PDE3A: variants seen among roughly 807,000 people sequenced by gnomAD.
PDE3A encodes the protein cGMP-inhibited 3',5'-cyclic phosphodiesterase 3A.
PDE3A carries 43 observed loss-of-function variants against 98.3 expected under a neutral mutation model. That is an observed-to-expected ratio of 0.44 (90% CI 0.34 to 0.56). The LOEUF (loss-of-function observed/expected upper bound fraction) is 0.56. PDE3A is among the 20% of genes least tolerant of loss of function. The probability of loss-of-function intolerance (pLI) is 0.01; values close to 1 mark genes in which losing one functional copy is unlikely to be tolerated. For missense variants in PDE3A, 1,427 were observed against 1,440.7 expected, an observed-to-expected ratio of 0.99 and a Z score of 0.15; for synonymous variants, 663 against 567.9, an observed-to-expected ratio of 1.17 and a Z score of -2.38.
chr12:20,431,105 T>A (rs1944689737), intron 1 of PDE3A, among the ~76,000 whole-genome samples: 1 of 152,146 alleles, frequency 6.6e-6, no homozygotes, highest in Non-Finnish European at 1.5e-5. Context: ...TATCTGCCCG[T>A]CTTTATTACT....
chr12:20,624,051 C>T (rs545660862), intron 5 of PDE3A, among the ~76,000 whole-genome samples: 2 of 151,892 alleles, frequency 1.3e-5, no homozygotes, highest in Admixed American at 6.6e-5. Context: ...TGTTCTAAAT[C>T]CATGTGTAGC....
At chr12:20,414,461 CCTAAGT>C (rs1944387330) in intron 1 of PDE3A, among the ~76,000 whole-genome samples, 1 of 152,158 alleles carries the variant, frequency 6.6e-6, no homozygotes, top group East Asian at 1.9e-4. Context: ...TAGAAAGTCT[CCTAAGT>C]CTATGTTTCT....
intron 2 of PDE3A, among the ~76,000 whole-genome samples, chr12:20,567,949 A>G (rs952257244): frequency 6.6e-6 from 1 of 152,060 alleles, no homozygotes; most frequent in Non-Finnish European, 1.5e-5. Context: ...TTAACTTCAC[A>G]TGATAAATAA....
At chr12:20,586,912 TA>T (rs1306454801) in intron 2 of PDE3A, among the ~76,000 whole-genome samples, 1 of 103,550 alleles carries the variant, frequency 9.7e-6, no homozygotes, top group African/African-American at 3.3e-5. Flanking sequence ...TTCAGATATG[TA>T]TTTTTTTTAC....
chr12:20,542,148 G>T (rs1050531868), intron 1 of PDE3A, among the ~76,000 whole-genome samples: 1 of 151,912 alleles, frequency 6.6e-6, no homozygotes, highest in Non-Finnish European at 1.5e-5. Flanking sequence ...TTTGCTGAAG[G>T]TTTCTTGGCA....
chr12:20,599,930 A>G (rs1943549965), intron 2 of PDE3A, among the ~76,000 whole-genome samples: 2 of 152,092 alleles, frequency 1.3e-5, no homozygotes, highest in Admixed American at 1.3e-4. Context: ...CAAATACTAA[A>G]CTCATAAACA....
chr12:20,371,012 A>G (rs61564090), intron 1 of PDE3A, among the ~76,000 whole-genome samples: 1 of 152,236 alleles, frequency 6.6e-6, no homozygotes, highest in Non-Finnish European at 1.5e-5. Context: ...TGCATACTTA[A>G]GTGGATATTT....
intron 15 of PDE3A, among the ~76,000 whole-genome samples, chr12:20,660,939 A>G (rs1390037371): frequency 6.6e-6 from 1 of 152,192 alleles, no homozygotes; most frequent in Non-Finnish European, 1.5e-5. Context: ...ACTGGGTAAC[A>G]GGAAGAGGTT....
chr12:20,566,688 A>G (rs1341858774), intron 2 of PDE3A, among the ~76,000 whole-genome samples: 1 of 151,980 alleles, frequency 6.6e-6, no homozygotes, highest in African/African-American at 2.4e-5. Flanking sequence ...AGAGGAAAGA[A>G]GTTGTCTATC....
At position 20,630,132 on chromosome 12, in the gene PDE3A, G is replaced by A; in HGVS notation, c.1760+5G>A. On this transcript the variant is annotated splice_donor_5th_base_variant and intron_variant, in intron 6 of 15. Coordinates refer to ENST00000359062, the MANE Select transcript of PDE3A (RefSeq NM_000921.5). ...TCCACCTGTTATATGTAGCAGGTAA[G>A]GATTTTTTATGAACTGAAGTTTAAT... 1 of 1,581,222 alleles carries A rather than the reference G, an allele frequency of 6.3e-7. No individual in the cohort carries two copies. The highest frequency in any genetic ancestry group is 8.7e-7 in the Non-Finnish European group (1 of 1,150,366).
chr12:20,684,063 A>C lies in PDE3A; in HGVS notation c.*3792A>C, dbSNP rs1008147530. On this transcript the variant is annotated 3_prime_UTR_variant, in exon 16 of 16. Transcript: ENST00000359062. The stretch of plus-strand genomic sequence containing the variant: ...ATTTTCTAAGTAATAAAAGTATAAA[A>C]ATTATCATTATAAATAAAGTCTAAA... 5 of 152,138 alleles carry C rather than the reference A, an allele frequency of 3.3e-5. No homozygotes were observed. The highest frequency in any genetic ancestry group is 2.0e-4 in the Admixed American group (3 of 15,276). 9.4% of individuals were successfully genotyped at this position (152,138 alleles called of 1,614,324 possible).
At chr12:20,407,042 A>C (rs530952659) in intron 1 of PDE3A, among the ~76,000 whole-genome samples, 2 of 152,094 alleles carry the variant, frequency 1.3e-5, no homozygotes, top group Non-Finnish European at 2.9e-5. Context: ...GTTCTGTTCT[A>C]TTGGTCTATG....
chr12:20,673,069 C>T (rs999984381), intron 15 of PDE3A, among the ~76,000 whole-genome samples: 2 of 151,350 alleles, frequency 1.3e-5, no homozygotes, highest in African/African-American at 4.8e-5. Context: ...CAAAAGAAGA[C>T]ATTTATGCAG....
intron 1 of PDE3A, among the ~76,000 whole-genome samples, chr12:20,504,524 A>C (rs1223268490): frequency 1.3e-5 from 2 of 152,162 alleles, no homozygotes; most frequent in Non-Finnish European, 2.9e-5. Flanking sequence ...ATTCTATATA[A>C]CTATACAGAA....
At chr12:20,624,947 G>A (rs368628981) in intron 5 of PDE3A, among the ~76,000 whole-genome samples, 2 of 152,098 alleles carry the variant, frequency 1.3e-5, no homozygotes, top group Non-Finnish European at 2.9e-5. Flanking sequence ...TAAGCAAATG[G>A]AATCAAATGA....
rs1944982330 is a variant in PDE3A, at chr12:20,654,027, A to G, written c.3006A>G (p.Glu1002=). Residue 1002 remains glutamate, a synonymous_variant, in exon 15 of 16, where the codon GAA becomes GAG. Transcript: ENST00000359062. ...CTCCTCAGCTGGCCAACCTTCAGGA[A>G]TCCTTCATCTCTCACATTGTGGGGC... ...RSAPQLANLQ[E]SFISHIVGPL... The G allele has an allele frequency of 6.2e-7, 1 of 1,614,160 alleles. No homozygotes were observed. Among genetic ancestry groups the G allele is most frequent in the African/African-American group, 1.3e-5 (1 of 75,044 alleles).
In PDE3A at chr12:20,552,085, C is replaced by T; in HGVS notation, c.961-4575C>T. The T allele has an allele frequency of 6.2e-7, 1 of 1,612,752 alleles. No individual in the cohort carries two copies. The highest frequency in any genetic ancestry group is 8.5e-7 in the Non-Finnish European group (1 of 1,179,894). On this transcript the variant is annotated intron_variant, in intron 1 of 15. Transcript: ENST00000359062. This position sits in a 1 kb window ranked among gnomAD's most constrained non-coding sequence, Gnocchi z 5.1. The stretch of plus-strand genomic sequence containing the variant: ...ATACACGGGTAGTGGTGGTCGAGAG[C>T]TTTCCGGCAACAAGAGGACCGCGGA...
intron 1 of PDE3A, among the ~76,000 whole-genome samples, chr12:20,503,691 A>G (rs776390248): frequency 3.3e-5 from 5 of 152,198 alleles, no homozygotes; most frequent in Middle Eastern, 3.4e-3. Flanking sequence ...TTATGTCATA[A>G]CTACCTTATT....
At chr12:20,546,661 A>G (rs2121237528) in intron 1 of PDE3A, among the ~76,000 whole-genome samples, 1 of 152,222 alleles carries the variant, frequency 6.6e-6, no homozygotes, top group Non-Finnish European at 1.5e-5. Flanking sequence ...TGCTCGTCAG[A>G]GTAAATGTGG....
Sources: allele counts gnomAD v4.1 joint callset (sites outside exome capture counted in the v4.1 genomes callset), GRCh38; gene constraint gnomAD v4.1.1; non-coding constraint Gnocchi (gnomAD v3.1); transcripts MANE v1.5; gene names NCBI Gene and HGNC (gene_info 2026-07-23, HGNC 2026-07-21).